CELF2: variants seen among roughly 807,000 people sequenced by gnomAD.
CELF2 encodes CUGBP Elav-like family member 2.
Under a neutral mutation model 62.6 loss-of-function variants are expected in CELF2, and 8 were observed. The ratio of observed to expected loss-of-function variants is 0.13; its 90% CI spans 0.07 to 0.23. The LOEUF (loss-of-function observed/expected upper bound fraction) is 0.23, where lower values mean the gene tolerates loss of function less well. Among genes scored for constraint, CELF2 ranks in the 10% least tolerant of loss-of-function variants. The probability of loss-of-function intolerance (pLI) is 1.00; values close to 1 mark genes in which losing one functional copy is unlikely to be tolerated. For synonymous variants in CELF2, 258 were observed against 250.0 expected, an observed-to-expected ratio of 1.03 and a Z score of -0.30; for missense variants, 333 against 671.0, an observed-to-expected ratio of 0.50 and a Z score of 5.56.
At position 11,211,813 on chromosome 10, in the gene CELF2, A is replaced by AGAGAGTGT. The variant is rs1373283373; in HGVS notation, c.272-5611_272-5610insAGAGTGTG. ...GTGTGAGAGAGAGAGAGAGAGAGAGAGTGTGTGTGTGTGTGTGTGTGTGTG... is the reference window on the plus strand; with the variant it reads ...GTGTGAGAGAGAGAGAGAGAGAGAGAGAGAGTGTGTGTGTGTGTGTGTGTGTGTGTGTG... On this transcript the variant is annotated intron_variant, in intron 2 of 12. Transcript: ENST00000633077. The surrounding 1 kb of genome is among the most constrained non-coding windows in gnomAD (Gnocchi z 4.8). Among the ~76,000 whole-genome samples, 11 of 89,358 alleles carry AGAGAGTGT rather than the reference A, an allele frequency of 1.2e-4. No homozygotes were observed. Among genetic ancestry groups the AGAGAGTGT allele is most frequent in the African/African-American group, 4.7e-4 (10 of 21,212 alleles). 58.6% of individuals were successfully genotyped at this position (89,358 alleles called of 152,430 possible). A position where few individuals can be genotyped will look rare whatever the true frequency, so the allele number is the denominator to read the frequency against.
chr10:11,203,054 A>C (rs2059639945), intron 2 of CELF2, among the ~76,000 whole-genome samples: 1 of 152,066 alleles, frequency 6.6e-6, no homozygotes, highest in South Asian at 2.1e-4. Context: ...CCAGGGAAGA[A>C]ATAGGAGCCT....
At chr10:11,250,564 C>A (rs2076838742) in intron 4 of CELF2, among the ~76,000 whole-genome samples, 2 of 152,192 alleles carry the variant, frequency 1.3e-5, no homozygotes. Context: ...TCATCAGTTA[C>A]CGTGTGCCAC....
rs151142990 is a variant in CELF2 at position 10,818,772 on chromosome 10, T to G, written c.53+19955T>G. Among the ~76,000 whole-genome samples, 3 of 152,176 alleles carry G rather than the reference T, an allele frequency of 2.0e-5. No individual in the cohort carries two copies. The East Asian group carries it at 5.8e-4, about 29-fold the overall frequency. ...TTGTGTTTTTTAGTAGAGATGGGGT[T>G]TCCCCATGTTGACCAGGCTGGTCTC... On this transcript the variant is annotated intron_variant, in intron 1 of 13. Transcript: ENST00000636488.
intron 2 of CELF2, among the ~76,000 whole-genome samples, chr10:11,216,920 G>A (rs1017946027): frequency 6.6e-6 from 1 of 152,228 alleles, no homozygotes; most frequent in South Asian, 2.1e-4. Flanking sequence ...TTTACATCAT[G>A]TAATGTGGTG....
At chr10:10,591,685 G>A in the CELF2 span, among the ~76,000 whole-genome samples, 1 of 152,206 alleles carries the variant, frequency 6.6e-6, no homozygotes, top group East Asian at 1.9e-4. Context: ...ACTTTTTAAG[G>A]AAACTGACTT....
rs185693138 is a variant in CELF2 at position 11,115,367 on chromosome 10, A to C, written c.75-50119A>C. ...CAGGCGTTTAACATACTTTTCTTGGATTGTTGAAAAGGGGAAAGGAAGAAC... is the reference window on the plus strand; with the variant it reads ...CAGGCGTTTAACATACTTTTCTTGGCTTGTTGAAAAGGGGAAAGGAAGAAC... On this transcript the variant is annotated intron_variant, in intron 1 of 12. Transcript: ENST00000633077. Among the ~76,000 whole-genome samples the C allele has an allele frequency of 8.8e-4, 134 of 152,274 alleles. 2 individuals carry two copies. Among genetic ancestry groups the C allele is most frequent in the Non-Finnish European group, 1.5e-3 (100 of 68,016 alleles).
At chr10:10,678,858 A>G in the CELF2 span, among the ~76,000 whole-genome samples, 44,294 of 152,030 alleles carry the variant, frequency 0.29, 6,897 homozygotes, top group South Asian at 0.52. Flanking sequence ...AACCTGCACA[A>G]ATGGGGTTTA....
Position 11,155,850 on chromosome 10 carries a change from C to T in CELF2, c.75-9636C>T, listed in dbSNP as rs763725917. Among the ~76,000 whole-genome samples the T allele has an allele frequency of 7.2e-5, 11 of 152,270 alleles. No homozygotes were observed. The East Asian group carries it at 7.7e-4, about 11-fold the overall frequency. On this transcript the variant is annotated intron_variant, in intron 1 of 12. Transcript: ENST00000633077. ...CTGCTGGCTGCCTTCCTTAGCCTGG[C>T]GTTTCATTTCAGTTGTATTCCTTGA...
chr10:11,009,735 G>T (rs954458992), intron 1 of CELF2, among the ~76,000 whole-genome samples: 4 of 152,184 alleles, frequency 2.6e-5, no homozygotes, highest in African/African-American at 9.6e-5. Flanking sequence ...TAGGGAGCAG[G>T]ATTGGCAGCA....
the CELF2 span, among the ~76,000 whole-genome samples, chr10:10,682,390 T>C: frequency 6.6e-6 from 1 of 152,196 alleles, no homozygotes; most frequent in African/African-American, 2.4e-5. Flanking sequence ...AATTACATGT[T>C]AGCATAGAGC....
chr10:11,065,961 T>C (rs2477020), intron 1 of CELF2, among the ~76,000 whole-genome samples: 49,789 of 151,670 alleles, frequency 0.33, 8,877 homozygotes, highest in African/African-American at 0.43. Flanking sequence ...CAGGGTAGAG[T>C]AGTCCAGGCA....
chr10:11,037,429 G>T (rs1354038213), intron 1 of CELF2, among the ~76,000 whole-genome samples: 3 of 152,320 alleles, frequency 2.0e-5, no homozygotes, highest in South Asian at 4.1e-4. Context: ...GCTGATTGGG[G>T]TGGAGGTAGG....
chr10:10,891,626 C>T lies in CELF2; in HGVS notation c.54-28338C>T, dbSNP rs148100074. ...AGACATGAGTTTTTAAGAGGCAGAG[C>T]TGGACTTCAACCCAGACTTGACTTC... is the stretch of plus-strand genomic sequence containing the variant. On this transcript the variant is annotated intron_variant, in intron 1 of 13. Coordinates refer to the CELF2 transcript ENST00000636488. Among the ~76,000 whole-genome samples, 772 of 152,270 alleles carry T rather than the reference C, an allele frequency of 5.1e-3. 3 individuals are homozygous for T. Among genetic ancestry groups the T allele is most frequent in the Non-Finnish European group, 7.8e-3 (533 of 68,032 alleles).
the CELF2 span, among the ~76,000 whole-genome samples, chr10:10,563,242 C>A: frequency 2.0e-5 from 3 of 152,116 alleles, no homozygotes; most frequent in Admixed American, 6.5e-5. Flanking sequence ...AGAAGACACC[C>A]AGCCAGGAAG....
rs368708381 is a variant in CELF2 at position 11,049,558 on chromosome 10, TAAA to T, written c.74+31417_74+31419del. 9.2e-3 allele frequency among the ~76,000 whole-genome samples: 888 copies of T among 96,892 alleles called. 12 individuals are homozygous for T. Among genetic ancestry groups the T allele is most frequent in the African/African-American group, 0.027 (785 of 28,926 alleles). 63.6% of individuals were successfully genotyped at this position (96,892 alleles called of 152,430 possible). ...TATTTGTTCCTATCCCTTTCTTTAGTAAAAAAAAAAAAAAAAAAAAAAAATACT... is the reference window on the plus strand; with the variant it reads ...TATTTGTTCCTATCCCTTTCTTTAGTAAAAAAAAAAAAAAAAAAAAATACT... On this transcript the variant is annotated intron_variant, in intron 1 of 12. Transcript: ENST00000633077.
At chr10:10,905,920 A>G (rs1336548160) in intron 1 of CELF2, among the ~76,000 whole-genome samples, 18 of 150,840 alleles carry the variant, frequency 1.2e-4, no homozygotes, top group Non-Finnish European at 2.7e-4. Context: ...AGAAAAAAAT[A>G]CTTAGCCGGG....
chr10:10,746,857 C>T, the CELF2 span, among the ~76,000 whole-genome samples: 5 of 152,322 alleles, frequency 3.3e-5, no homozygotes, highest in Middle Eastern at 3.4e-3. Flanking sequence ...AATACCACAT[C>T]ACTGCTAAAT....
chr10:10,921,051 T>G (rs2064853456), intron 2 of CELF2, among the ~76,000 whole-genome samples: 1 of 151,736 alleles, frequency 6.6e-6, no homozygotes, highest in African/African-American at 2.4e-5. Flanking sequence ...ACCTCCCAGG[T>G]TCAAGCGATT....
intron 1 of CELF2, among the ~76,000 whole-genome samples, chr10:11,140,557 T>A (rs2061173951): frequency 6.6e-6 from 1 of 152,220 alleles, no homozygotes; most frequent in African/African-American, 2.4e-5. Context: ...TACTGTATTT[T>A]ATGAGCATGT....
Sources: allele counts gnomAD v4.1 joint callset (sites outside exome capture counted in the v4.1 genomes callset), GRCh38; gene constraint gnomAD v4.1.1; non-coding constraint Gnocchi (gnomAD v3.1); transcripts MANE v1.5; gene names NCBI Gene and HGNC (gene_info 2026-07-23, HGNC 2026-07-21).